The following SCN7A variants were observed in gnomAD, a reference collection of about 807,000 sequenced individuals.
The protein encoded by SCN7A is sodium voltage-gated channel alpha subunit 7, also known as sodium channel protein type 7 subunit alpha.
In SCN7A, 138 loss-of-function variants were observed where a neutral mutation model predicts 155.2. That is an observed-to-expected ratio of 0.89 (90% confidence interval 0.77 to 1.02). The LOEUF (loss-of-function observed/expected upper bound fraction) is 1.02, where lower values mean the gene tolerates loss of function less well. SCN7A is among the 50% of genes least tolerant of loss of function. The probability of loss-of-function intolerance (pLI) is 0.00; values close to 1 mark genes in which losing one functional copy is unlikely to be tolerated. For missense variants in SCN7A, 2,058 were observed against 1,986.6 expected (o/e 1.04, Z -0.68); for synonymous variants, 693 against 649.0 (o/e 1.07, Z -1.03).
At chr2:166,443,958 A>G (rs1466907077) in intron 13 of SCN7A, among the ~76,000 whole-genome samples, 1 of 152,184 alleles carries the variant, frequency 6.6e-6, no homozygotes, top group Non-Finnish European at 1.5e-5. Context: ...AGCCCTTTCA[A>G]TTTTGAATAG....
intron 5 of SCN7A, 54 bp downstream of exon 5, chr2:166,473,745 T>C: frequency 2.2e-6 from 1 of 446,828 alleles, no homozygotes. Flanking sequence ...ATGTAAAATA[T>C]TAAAAATATA....
intron 21 of SCN7A, 123 bp downstream of exon 21, chr2:166,416,584 A>T: frequency 1.2e-6 from 1 of 822,196 alleles, no homozygotes. Flanking sequence ...CATTACATTT[A>T]TCTACTAATT....
intron 2 of SCN7A, among the ~76,000 whole-genome samples, chr2:166,483,383 G>A (rs12996930): frequency 0.28 from 42,617 of 151,670 alleles, 6,555 homozygotes; most frequent in Non-Finnish European, 0.35. Flanking sequence ...CTAGTTACTC[G>A]GATAGTGTGG....
At position 166,420,532 on chromosome 2, in the gene SCN7A, A is replaced by G. The variant is rs926218115; in HGVS notation, c.3135+658T>C. Reference sequence around the variant, plus strand: ...GTGGTCACAGACTCCATTTTTTTCTATTAGGTCGAGCATTATGGGATTTCC... The same window carrying G: ...GTGGTCACAGACTCCATTTTTTTCTGTTAGGTCGAGCATTATGGGATTTCC... On this transcript the variant is annotated intron_variant, in intron 20 of 25. Coordinates refer to ENST00000643258, the MANE Select transcript of SCN7A (RefSeq NM_002976.4). Among the ~76,000 whole-genome samples the G allele has an allele frequency of 2.6e-5, 4 of 152,146 alleles. No homozygotes were observed. The East Asian group carries it at 5.8e-4, about 22-fold the overall frequency.
chr2:166,411,211 A>G (rs1464277452), intron 23 of SCN7A, among the ~76,000 whole-genome samples: 1 of 152,020 alleles, frequency 6.6e-6, no homozygotes, highest in African/African-American at 2.4e-5. Flanking sequence ...TTACATGAAA[A>G]ATCCTAAAAA....
At chr2:166,426,215 T>C (rs142375116) in intron 18 of SCN7A, among the ~76,000 whole-genome samples, 6 of 152,238 alleles carry the variant, frequency 3.9e-5, no homozygotes, top group East Asian at 1.9e-4. Context: ...TATTTTTCAG[T>C]AGAATCTGAT....
rs752928949 is a variant in SCN7A at position 166,414,263 on chromosome 2, TAC to T, written c.3415-1144_3415-1143del. ...ATATGTAAATATATATAGATATATA[TAC>T]ACACACATATATATATATATACACA... On this transcript the variant is annotated intron_variant, in intron 21 of 25. Transcript: ENST00000643258. 9.9e-3 allele frequency among the ~76,000 whole-genome samples: 742 copies of T among 75,026 alleles called. 28 individuals carry two copies. The highest frequency in any genetic ancestry group is 0.029 in the Middle Eastern group (3 of 104). 49.2% of individuals were successfully genotyped at this position (75,026 alleles called of 152,430 possible).
chr2:166,411,617 A>G (rs537876036), intron 23 of SCN7A, among the ~76,000 whole-genome samples: 1 of 152,162 alleles, frequency 6.6e-6, no homozygotes, highest in Non-Finnish European at 1.5e-5. Flanking sequence ...AAATAAATGT[A>G]TGCTTGATTT....
rs1268591012 is a variant in SCN7A at position 166,418,625 on chromosome 2, C to A, written c.3136-1640G>T. ...TTTGAATTAATATTTAGGCTTTTAA[C>A]TATGATTTCAGTAACACTTTTATTT... On this transcript the variant is annotated intron_variant, in intron 20 of 25. Transcript: ENST00000643258. Among the ~76,000 whole-genome samples, 5 of 151,808 alleles carry A rather than the reference C, an allele frequency of 3.3e-5. No individual in the cohort carries two copies. In the South Asian group the frequency reaches 1.0e-3, roughly 32 times the overall value.
chr2:166,471,728 G>T (rs559571515), intron 6 of SCN7A, among the ~76,000 whole-genome samples: 10 of 78,188 alleles, frequency 1.3e-4, no homozygotes, highest in Non-Finnish European at 1.7e-4. Flanking sequence ...GAAAATGTGG[G>T]GGGGGGGGTG....
Position 166,444,931 on chromosome 2 carries a change from T to C in SCN7A, c.1457A>G (p.Asn486Ser), listed in dbSNP as rs376915404. 8.7e-6 allele frequency: 14 copies of C among 1,613,504 alleles called. No individual in the cohort carries two copies. In the African/African-American group the frequency reaches 1.1e-4, roughly 12 times the overall value. Residue 486 changes from asparagine (N) to serine (S), a missense_variant, in exon 13 of 26, where the codon AAT becomes AGT. By Grantham distance (46) the Asn-to-Ser change is conservative. Coordinates refer to ENST00000643258, the MANE Select transcript of SCN7A (RefSeq NM_002976.4). ...YKFAKTFLIW[N>S]CSPCWLKLKE... Reference sequence around the variant, plus strand: ...CAATTTTAACCAACAGGGAGAACAATTCCAGATCAAGAAAGTTTTAGCAAA... The same window carrying C: ...CAATTTTAACCAACAGGGAGAACAACTCCAGATCAAGAAAGTTTTAGCAAA...
At chr2:166,410,454 G>A in intron 23 of SCN7A, 130 bp from the exon 24 acceptor site, 1 of 614,120 alleles carries the variant, frequency 1.6e-6, no homozygotes, top group Non-Finnish European at 2.7e-6. Flanking sequence ...TGCAGTGAAT[G>A]AAATCATGTT....
chr2:166,434,023 GATA>G (rs1020939988), intron 15 of SCN7A, among the ~76,000 whole-genome samples: 3 of 151,846 alleles, frequency 2.0e-5, no homozygotes, highest in African/African-American at 7.3e-5. Flanking sequence ...TATAGTTTTG[GATA>G]ATTAGGCTGA....
At chr2:166,482,763 CAA>C (rs34623846) in intron 2 of SCN7A, among the ~76,000 whole-genome samples, 14 of 142,566 alleles carry the variant, frequency 9.8e-5, no homozygotes, top group Admixed American at 3.5e-4. Flanking sequence ...TGCGATACTG[CAA>C]AAAAAAAAAA....
At chr2:166,486,232 T>C (rs1458013049) in intron 2 of SCN7A, among the ~76,000 whole-genome samples, 1 of 152,184 alleles carries the variant, frequency 6.6e-6, no homozygotes, top group African/African-American at 2.4e-5. Context: ...CCTTCATTGT[T>C]GCCAGCTTCT....
At chr2:166,446,346 T>G (rs1006012672) in intron 12 of SCN7A, among the ~76,000 whole-genome samples, 1 of 152,110 alleles carries the variant, frequency 6.6e-6, no homozygotes, top group African/African-American at 2.4e-5. Flanking sequence ...GTTAGAATTG[T>G]GCTCATTAAA....
chr2:166,456,654 C>T (rs1333292800), intron 11 of SCN7A, among the ~76,000 whole-genome samples: 1 of 152,034 alleles, frequency 6.6e-6, no homozygotes, highest in African/African-American at 2.4e-5. Context: ...AATGTTGACA[C>T]AAGCAGAGCC....
At chr2:166,423,149 G>A in intron 19 of SCN7A, 110 bp downstream of exon 19, 1 of 1,052,390 alleles carries the variant, frequency 9.5e-7, no homozygotes, top group Middle Eastern at 2.4e-4. Flanking sequence ...TACCAACAAT[G>A]TAGAGAGAGA....
intron 11 of SCN7A, among the ~76,000 whole-genome samples, chr2:166,455,379 C>G (rs1288388606): frequency 7.9e-5 from 12 of 151,954 alleles, no homozygotes; most frequent in Admixed American, 7.9e-4. Context: ...AAAAATGAAA[C>G]CATGTCATTT....
Sources: gnomAD v4.1 joint callset for allele counts (sites outside exome capture counted in the v4.1 genomes callset) on GRCh38, gnomAD v4.1.1 for gene constraint, MANE v1.5 for transcripts, NCBI Gene and HGNC (gene_info 2026-07-23, HGNC 2026-07-21) for gene names.